CADM2: variants seen among roughly 807,000 people sequenced by gnomAD.
CADM2 encodes cell adhesion molecule 2.
A neutral mutation model predicts 49.8 loss-of-function variants in CADM2; 12 were observed. The observed-to-expected ratio is 0.24, with a 90% CI of 0.15 to 0.39. The LOEUF (loss-of-function observed/expected upper bound fraction) is 0.39. Among genes scored for constraint, CADM2 ranks in the 10% least tolerant of loss-of-function variants. The pLI, the probability that CADM2 is intolerant of heterozygous loss-of-function variation, is 1.00. For missense variants in CADM2, 378 were observed against 492.3 expected, an observed-to-expected ratio of 0.77 and a Z score of 2.20; for synonymous variants, 214 against 175.4, an observed-to-expected ratio of 1.22 and a Z score of -1.74.
intron 3 of CADM2, among the ~76,000 whole-genome samples, chr3:85,810,063 T>G (rs58122126): frequency 0.054 from 8,247 of 152,050 alleles, 642 homozygotes; most frequent in African/African-American, 0.17. Context: ...GCCAAAATGA[T>G]GCACACCCAG....
Position 85,227,113 on chromosome 3 carries a change from G to A in CADM2, c.61+267445G>A, listed in dbSNP as rs560483953. Among the ~76,000 whole-genome samples, 3 of 152,294 alleles carry A rather than the reference G, an allele frequency of 2.0e-5. No individual in the cohort carries two copies. In the East Asian group the frequency reaches 5.8e-4, roughly 29 times the overall value. On this transcript the variant is annotated intron_variant, in intron 1 of 9. Coordinates refer to ENST00000383699, the MANE Select transcript of CADM2 (RefSeq NM_001167675.2). ...AATGTATATTCTGTTGATTTGGGGT[G>A]TAGAGTTCTGTAGATGACTATTAGG...
intron 3 of CADM2, among the ~76,000 whole-genome samples, chr3:85,846,461 A>G (rs2108278372): frequency 6.6e-6 from 1 of 152,302 alleles, no homozygotes; most frequent in East Asian, 1.9e-4. Flanking sequence ...GGCGATATCT[A>G]GAACACATGG....
chr3:85,810,754 G>T (rs1254432491), intron 3 of CADM2, among the ~76,000 whole-genome samples: 2 of 151,898 alleles, frequency 1.3e-5, no homozygotes, highest in Non-Finnish European at 2.9e-5. Context: ...TGACCACGCT[G>T]GTCTCGAACT....
intron 1 of CADM2, among the ~76,000 whole-genome samples, chr3:85,582,399 G>A (rs933355844): frequency 1.1e-4 from 17 of 152,188 alleles, no homozygotes; most frequent in Admixed American, 9.8e-4. Flanking sequence ...TGATCTGCTT[G>A]TTAAACGAGA....
chr3:85,606,025 A>C (rs866638222), intron 1 of CADM2, among the ~76,000 whole-genome samples: 38 of 152,128 alleles, frequency 2.5e-4, no homozygotes, highest in Non-Finnish European at 3.1e-4. Flanking sequence ...TCATAGGCAC[A>C]ATTGGATATT....
intron 8 of CADM2, among the ~76,000 whole-genome samples, chr3:86,006,765 G>T (rs1473858622): frequency 6.6e-6 from 1 of 152,054 alleles, no homozygotes; most frequent in Non-Finnish European, 1.5e-5. Flanking sequence ...TATTGGCTGG[G>T]CGTGGTGGCT....
intron 1 of CADM2, among the ~76,000 whole-genome samples, chr3:84,974,361 AC>A (rs1465923342): frequency 2.0e-5 from 3 of 152,056 alleles, no homozygotes; most frequent in Admixed American, 1.3e-4. Flanking sequence ...ACCTGTGCTT[AC>A]CCATTAACTT....
chr3:85,552,121 A>G (rs1018572174), intron 1 of CADM2, among the ~76,000 whole-genome samples: 4 of 152,074 alleles, frequency 2.6e-5, no homozygotes, highest in African/African-American at 4.8e-5. Flanking sequence ...CTGGGATTCT[A>G]AAACTTTAGA....
intron 1 of CADM2, among the ~76,000 whole-genome samples, chr3:85,571,645 A>ACTAACTTATTT (rs922878338): frequency 4.6e-5 from 7 of 152,152 alleles, no homozygotes; most frequent in African/African-American, 1.4e-4. Context: ...CTCTAAGCTA[A>ACTAACTTATTT]ACTTATTTTT....
At chr3:85,364,580 T>A (rs1489623762) in intron 1 of CADM2, among the ~76,000 whole-genome samples, 1 of 152,202 alleles carries the variant, frequency 6.6e-6, no homozygotes, top group East Asian at 1.9e-4. Context: ...TTAAAGCACA[T>A]CATACCTCAA....
rs1216929868 is a variant in CADM2, at chr3:85,814,807, A to G, written c.238+12611A>G. On this transcript the variant is annotated intron_variant, in intron 3 of 9. Coordinates refer to ENST00000383699, the MANE Select transcript of CADM2 (RefSeq NM_001167675.2). Reference sequence around the variant, plus strand: ...TATTCTATTCAAATTTATATCCTATAGTGTTCTATAGAATATAGAATATAC... The same window carrying G: ...TATTCTATTCAAATTTATATCCTATGGTGTTCTATAGAATATAGAATATAC... 2.0e-5 allele frequency among the ~76,000 whole-genome samples: 3 copies of G among 151,978 alleles called. No individual in the cohort carries two copies. In the East Asian group the frequency reaches 5.8e-4, roughly 29 times the overall value.
chr3:85,602,030 G>T lies in CADM2; in HGVS notation c.62-124492G>T, dbSNP rs1007612239. The stretch of plus-strand genomic sequence containing the variant: ...CCTTCAAACATTGTTCCGTTCAGTG[G>T]CTACTATTGTAATTTAAACTTTCAC... On this transcript the variant is annotated intron_variant, in intron 1 of 9. Coordinates refer to ENST00000383699, the MANE Select transcript of CADM2 (RefSeq NM_001167675.2). 5.9e-4 allele frequency among the ~76,000 whole-genome samples: 89 copies of T among 151,824 alleles called. 2 individuals are homozygous for T. The highest frequency in any genetic ancestry group is 7.4e-5 in the Non-Finnish European group (5 of 67,756).
intron 1 of CADM2, among the ~76,000 whole-genome samples, chr3:85,487,371 A>G (rs1215294765): frequency 2.0e-5 from 3 of 152,156 alleles, no homozygotes; most frequent in African/African-American, 4.8e-5. Flanking sequence ...TTTAAAAGTA[A>G]ATAAATAAAC....
intron 1 of CADM2, among the ~76,000 whole-genome samples, chr3:85,170,393 C>T (rs887035847): frequency 1.3e-5 from 2 of 150,180 alleles, no homozygotes; most frequent in Non-Finnish European, 1.5e-5. Flanking sequence ...GGCTGGAGTG[C>T]AGTGGCGCGA....
At chr3:85,700,776 A>G (rs2107707272) in intron 1 of CADM2, among the ~76,000 whole-genome samples, 1 of 152,312 alleles carries the variant, frequency 6.6e-6, no homozygotes, top group East Asian at 1.9e-4. Flanking sequence ...TTTATTGTCC[A>G]TATCACTATC....
chr3:85,066,702 T>G (rs368187254), intron 1 of CADM2, among the ~76,000 whole-genome samples: 57 of 152,290 alleles, frequency 3.7e-4, no homozygotes, highest in African/African-American at 1.3e-3. Flanking sequence ...GCTGCCTTGG[T>G]CAAATCTCAT....
At chr3:85,491,252 CTTATAG>C (rs993881887) in intron 1 of CADM2, among the ~76,000 whole-genome samples, 6 of 152,016 alleles carry the variant, frequency 3.9e-5, no homozygotes, top group African/African-American at 1.4e-4. Flanking sequence ...ACTAATCATG[CTTATAG>C]TTATATGACA....
intron 2 of CADM2, among the ~76,000 whole-genome samples, chr3:85,727,558 A>C (rs1414858129): frequency 6.6e-6 from 1 of 152,192 alleles, no homozygotes; most frequent in African/African-American, 2.4e-5. Context: ...CTGGCTGTGA[A>C]CAAAATAAAT....
At chr3:85,514,830 G>A (rs1455940924) in intron 1 of CADM2, among the ~76,000 whole-genome samples, 3 of 151,808 alleles carry the variant, frequency 2.0e-5, no homozygotes, top group African/African-American at 4.8e-5. Flanking sequence ...TCCTATTTCG[G>A]TAAGCAATGA....
Sources: gnomAD v4.1 joint callset for allele counts (sites outside exome capture counted in the v4.1 genomes callset) on GRCh38, gnomAD v4.1.1 for gene constraint, MANE v1.5 for transcripts, NCBI Gene and HGNC (gene_info 2026-07-23, HGNC 2026-07-21) for gene names.